Variants in TMEM101 observed in about 807,000 individuals in gnomAD.
TMEM101 encodes the protein transmembrane protein 101, also known as putative NF-kappa-B-activating protein 130.
Under a neutral mutation model 26.0 loss-of-function variants are expected in TMEM101, and 14 were observed. The ratio of observed to expected loss-of-function variants is 0.54; its 90% CI spans 0.36 to 0.84. TMEM101 has a LOEUF of 0.84. Ranked by LOEUF, TMEM101 falls within the 40% of genes least tolerant of loss-of-function variation. The pLI is 0.01. For synonymous variants in TMEM101, 152 were observed against 145.1 expected (o/e 1.05, Z -0.34); for missense variants, 292 against 345.1 (o/e 0.85, Z 1.22).
At position 44,011,689 on chromosome 17, in the gene TMEM101, C is replaced by A. The variant is rs1050410764; in HGVS notation, c.*239G>T. 1 of 535,420 alleles carries A rather than the reference C, an allele frequency of 1.9e-6. No homozygotes were observed. The highest frequency in any genetic ancestry group is 3.3e-6 in the Non-Finnish European group (1 of 302,276). The allele number at this position is 535,420 out of a possible 1,614,324, so 33.2% of individuals were successfully genotyped here. On this transcript the variant is annotated 3_prime_UTR_variant, in exon 4 of 4. Coordinates refer to ENST00000206380, the MANE Select transcript of TMEM101 (RefSeq NM_032376.4). ...ACTCAGTGGGCAGCTGGCCTCAGCT[C>A]TCCTAACAGGAAAAAAACCTGTACA... is the stretch of plus-strand genomic sequence containing the variant.
chr17:44,014,689 C>T, intron 1 of TMEM101, 127 bp downstream of exon 1: 1 of 1,501,874 alleles, frequency 6.7e-7, no homozygotes, highest in Middle Eastern at 2.2e-4. Flanking sequence ...GGTCCGACAC[C>T]CAGACCAGAA....
At chr17:44,014,237 T>TC in intron 2 of TMEM101, 120 bp downstream of exon 2, 1 of 1,245,936 alleles carries the variant, frequency 8.0e-7, no homozygotes, top group South Asian at 1.5e-5. Context: ...GGTTCGAACC[T>TC]CCCAGGCTTC....
chr17:44,018,609 A>G (rs75272071), upstream of TMEM101, among the ~76,000 whole-genome samples: 4,373 of 152,250 alleles, frequency 0.029, 203 homozygotes, highest in African/African-American at 0.1. Flanking sequence ...GTACAGCCCT[A>G]AAGTGTTGAC....
In TMEM101 at chr17:44,011,995, T is replaced by C; in HGVS notation, c.707A>G (p.Gln236Arg). Residue 236 changes from glutamine (Q) to arginine (R), a missense_variant, in exon 4 of 4, where the codon CAG becomes CGG. Gln to Arg is a conservative substitution (Grantham distance 43, BLOSUM62 1). Coordinates refer to ENST00000206380, the MANE Select transcript of TMEM101 (RefSeq NM_032376.4). Reference sequence around the variant, plus strand: ...CACACTCTCTCCAAGGAGCTTCATCTGGTTCCAGAACTCAACACGCCGCGT... The same window carrying C: ...CACACTCTCTCCAAGGAGCTTCATCCGGTTCCAGAACTCAACACGCCGCGT... ...HNTRRVEFWN[Q>R]MKLLGESVGI... 6.2e-7 allele frequency: 1 copy of C among 1,614,220 alleles called. No homozygotes were observed. Among genetic ancestry groups the C allele is most frequent in the Admixed American group, 1.7e-5 (1 of 60,024 alleles).
chr17:44,012,679 GACCCCCACCAA>G (rs2049176147), intron 3 of TMEM101: 2 of 412,986 alleles, frequency 4.8e-6, no homozygotes, highest in African/African-American at 4.1e-5. Context: ...GCTGGGGCCT[GACCCCCACCAA>G]ACCTCTCCTT....
At chr17:44,022,692 T>C (rs745330762) in intron 1 of TMEM101, among the ~76,000 whole-genome samples, 1 of 152,158 alleles carries the variant, frequency 6.6e-6, no homozygotes, top group African/African-American at 2.4e-5. Context: ...CCAATTCCCT[T>C]GGACCACTCA....
At chr17:44,021,385 G>A (rs569599928) in exon 2 of TMEM101, 1 of 152,270 alleles carries the variant, frequency 6.6e-6, no homozygotes, top group East Asian at 1.9e-4. Flanking sequence ...ATTCAAGTTT[G>A]CAGTTATGGT....
At chr17:44,021,947 T>C (rs2049289318) in intron 1 of TMEM101, among the ~76,000 whole-genome samples, 1 of 152,218 alleles carries the variant, frequency 6.6e-6, no homozygotes, top group Admixed American at 6.5e-5. Context: ...TTAGGACAGT[T>C]ACTTGCAGTT....
chr17:44,014,245 T>TG, intron 2 of TMEM101, 112 bp downstream of exon 2: 1 of 1,323,602 alleles, frequency 7.6e-7, no homozygotes, highest in South Asian at 1.5e-5. Context: ...CCTCCCAGGC[T>TG]TCACACTGTG....
chr17:44,019,431 C>A, upstream of TMEM101: 1 of 259,488 alleles, frequency 3.9e-6, no homozygotes, highest in Non-Finnish European at 7.6e-6. Flanking sequence ...AATCTAGGAC[C>A]CTAGCTCTTT....
intron 2 of TMEM101, among the ~76,000 whole-genome samples, chr17:44,020,760 T>C (rs1193635586): frequency 5.3e-5 from 8 of 152,152 alleles, no homozygotes; most frequent in Non-Finnish European, 1.2e-4. Context: ...CCCACTCCCA[T>C]TGGTATTGGC....
intron 1 of TMEM101, among the ~76,000 whole-genome samples, chr17:44,021,975 T>A (rs577548492): frequency 2.0e-5 from 3 of 152,212 alleles, no homozygotes; most frequent in African/African-American, 7.2e-5. Context: ...GCCATCACCA[T>A]AGGGACCACA....
At chr17:44,015,111 C>T, upstream of TMEM101, 1 of 973,828 alleles carries the variant, frequency 1.0e-6, no homozygotes, top group Non-Finnish European at 1.5e-6. Flanking sequence ...TTGCGAAGTC[C>T]AGCCTTCTCG....
chr17:44,016,144 C>CAT (rs199954191), upstream of TMEM101, among the ~76,000 whole-genome samples: 38 of 147,112 alleles, frequency 2.6e-4, no homozygotes, highest in Admixed American at 7.4e-4. Context: ...CACACACACA[C>CAT]ATATATATAT....
At position 44,011,837 on chromosome 17, in the gene TMEM101, G is replaced by A; in HGVS notation, c.*91C>T. The A allele has an allele frequency of 1.5e-6, 2 of 1,325,788 alleles. No homozygotes were observed. The highest frequency in any genetic ancestry group is 2.8e-5 in the South Asian group (2 of 71,282). The allele number at this position is 1,325,788 out of a possible 1,614,324, so 82.1% of individuals were successfully genotyped here. On this transcript the variant is annotated 3_prime_UTR_variant, in exon 4 of 4. Coordinates refer to ENST00000206380, the MANE Select transcript of TMEM101 (RefSeq NM_032376.4). ...AAAGATCAAACAAACAGACCAAAAA[G>A]CATAAATAAACAGCAGCTGGGCCAG... is the stretch of plus-strand genomic sequence containing the variant.
At chr17:44,014,777 G>GC (rs1555621668) in intron 1 of TMEM101, 39 bp downstream of exon 1, 1 of 1,527,828 alleles carries the variant, frequency 6.5e-7, no homozygotes, top group Non-Finnish European at 8.8e-7. Flanking sequence ...CCACATCACC[G>GC]CCCCCTGCCG....
rs577096633 is a variant in TMEM101 at position 44,011,356 on chromosome 17, C to T, written c.*572G>A. 6 of 155,426 alleles carry T rather than the reference C, an allele frequency of 3.9e-5. No homozygotes were observed. In the East Asian group the frequency reaches 1.2e-3, roughly 30 times the overall value. 9.6% of individuals were successfully genotyped at this position (155,426 alleles called of 1,614,324 possible). On this transcript the variant is annotated 3_prime_UTR_variant, in exon 4 of 4. Coordinates refer to ENST00000206380, the MANE Select transcript of TMEM101 (RefSeq NM_032376.4). ...AGCCCAGAGCAGAACAGGGTCTGCT[C>T]TACTCTCAAGGTGAGTGACAGAGAG...
At chr17:44,015,100 G>A (rs909577288), upstream of TMEM101, 7 of 1,124,314 alleles carry the variant, frequency 6.2e-6, no homozygotes, top group East Asian at 5.3e-5. Flanking sequence ...AGGTGACCCA[G>A]TTGCGAAGTC....
Position 44,011,961 on chromosome 17 carries a change from G to C in TMEM101, c.741C>G (p.Phe247Leu). ...CAGTGGCCAGGATGACAGCAGTTCC[G>C]AAGATGCCCACACTCTCTCCAAGGA... ...MKLLGESVGI[F>L]GTAVILATDG Residue 247 changes from phenylalanine to leucine, a missense_variant, in exon 4 of 4, where the codon TTC becomes TTG. Physicochemically the swap from Phe to Leu is conservative, Grantham distance 22 (BLOSUM62 0). This residue lies in a region of TMEM101 where 149 missense variants were observed against 211.9 expected (regional missense o/e 0.70). Transcript: ENST00000206380. The C allele has an allele frequency of 2.5e-6, 4 of 1,612,926 alleles. No individual in the cohort carries two copies. Among genetic ancestry groups the C allele is most frequent in the Non-Finnish European group, 3.4e-6 (4 of 1,179,056 alleles).
Sources: gnomAD v4.1 joint callset for allele counts (sites outside exome capture counted in the v4.1 genomes callset) on GRCh38, gnomAD v4.1.1 for gene constraint, gnomAD v4.1.1 regional missense constraint, MANE v1.5 for transcripts, NCBI Gene and HGNC (gene_info 2026-07-23, HGNC 2026-07-21) for gene names.